Variants in USF3 observed in about 807,000 individuals in gnomAD.
USF3 encodes basic helix-loop-helix domain-containing protein USF3.
USF3 carries 29 observed loss-of-function variants against 157.5 expected under a neutral mutation model. That is an observed-to-expected ratio of 0.18 (90% CI 0.14 to 0.25). USF3 has a LOEUF of 0.25. USF3 is among the 10% of genes least tolerant of loss of function. The pLI, the probability that USF3 is intolerant of heterozygous loss-of-function variation, is 1.00. For synonymous variants in USF3, 893 were observed against 941.4 expected, an observed-to-expected ratio of 0.95 and a Z score of 0.94; for missense variants, 2,381 against 2,667.6, an observed-to-expected ratio of 0.89 and a Z score of 2.37.
intron 1 of USF3, among the ~76,000 whole-genome samples, chr3:113,684,501 T>C (rs1707504265): frequency 6.6e-6 from 1 of 152,200 alleles, no homozygotes; most frequent in South Asian, 2.1e-4. Context: ...GATTTCCCCT[T>C]TTGAAGCTAT....
At chr3:113,681,988 G>A (rs1038398013) in intron 1 of USF3, among the ~76,000 whole-genome samples, 10 of 151,934 alleles carry the variant, frequency 6.6e-5, no homozygotes, top group African/African-American at 1.5e-4. Context: ...CAAAGTCCTC[G>A]GATTACAGGC....
At chr3:113,671,411 T>C (rs1707150300) in intron 4 of USF3, among the ~76,000 whole-genome samples, 1 of 152,214 alleles carries the variant, frequency 6.6e-6, no homozygotes, top group Non-Finnish European at 1.5e-5. Context: ...CTCTCCACTT[T>C]GGCTATGTTG....
At position 113,656,234 on chromosome 3, in the gene USF3, G is replaced by A. The variant is rs1210018452; in HGVS notation, c.5448C>T (p.His1816=). Residue 1816 remains histidine (H), a synonymous_variant, in exon 7 of 7, where the codon CAC becomes CAT. Coordinates refer to ENST00000316407, the MANE Select transcript of USF3 (RefSeq NM_001009899.4). ...IPSRDSENTC[H]QSFMQSLLAP... Reference sequence around the variant, plus strand: ...CAAGTAAGCTCTGCATGAAACTTTGGTGACAAGTATTTTCACTGTCCCTTG... The same window carrying A: ...CAAGTAAGCTCTGCATGAAACTTTGATGACAAGTATTTTCACTGTCCCTTG... 6 of 1,614,162 alleles carry A rather than the reference G, an allele frequency of 3.7e-6. No homozygotes were observed. The highest frequency in any genetic ancestry group is 3.3e-4 in the Middle Eastern group (2 of 6,062).
intron 1 of USF3, among the ~76,000 whole-genome samples, chr3:113,688,156 T>C (rs114618464): frequency 6.6e-6 from 1 of 151,940 alleles, no homozygotes; most frequent in Non-Finnish European, 1.5e-5. Flanking sequence ...TCTCACCCTG[T>C]CGCCCAAACT....
intron 4 of USF3, among the ~76,000 whole-genome samples, chr3:113,670,459 C>T (rs1156711645): frequency 3.3e-5 from 5 of 152,214 alleles, no homozygotes; most frequent in East Asian, 1.9e-4. Context: ...AGTAGCTGGG[C>T]GTGGTGGCAC....
rs746053336 is a variant in USF3 at position 113,656,106 on chromosome 3, G to A, written c.5576C>T (p.Pro1859Leu). 2.5e-6 allele frequency: 4 copies of A among 1,613,940 alleles called. No homozygotes were observed. The highest frequency in any genetic ancestry group is 3.4e-6 in the Non-Finnish European group (4 of 1,179,998). Residue 1859 changes from proline (P) to leucine (L), a missense_variant, in exon 7 of 7, where the codon CCC (proline) becomes CTC (leucine). Around this residue, in one of 6 missense-constraint regions of USF3, gnomAD observed 770 missense variants for 824.2 expected, o/e 0.93. Coordinates refer to ENST00000316407, the MANE Select transcript of USF3 (RefSeq NM_001009899.4). ...AATATGGACATTTTCATGAGTTGGG[G>A]GACAATTATATTCAATTGCAGAGGA... ...GPSSAIEYNCPPTHENVHIRR... is the reference protein window; with the variant it reads ...GPSSAIEYNCLPTHENVHIRR...
Position 113,660,492 on chromosome 3 carries a change from C to A in USF3, c.1190G>T (p.Gly397Val), listed in dbSNP as rs756077594. The change falls in exon 7 of 7, where the codon GGT (glycine) becomes GTT (valine). Residue 397 changes from glycine (G) to valine (V), a missense_variant. By Grantham distance (109) the Gly-to-Val change is moderately radical (BLOSUM62 -3). This residue lies in a region of USF3 where 1,435 missense variants were observed against 1,550.9 expected (regional missense o/e 0.93). Transcript: ENST00000316407. ...AGGCAAAGAACAAGAAAGAGTCCAA[C>A]CATTGTCCAAAGGGTTTCCCGAAAG... ...STLSGNPLDNGWTLSCSLPSS... is the reference protein window; with the variant it reads ...STLSGNPLDNVWTLSCSLPSS... The A allele has an allele frequency of 5.6e-6, 9 of 1,614,130 alleles. No individual in the cohort carries two copies. In the South Asian group the frequency reaches 9.9e-5, roughly 18 times the overall value.
Position 113,659,865 on chromosome 3 carries a change from A to T in USF3, c.1817T>A (p.Ile606Asn). The T allele has an allele frequency of 6.2e-7, 1 of 1,614,190 alleles. No individual in the cohort carries two copies. Among genetic ancestry groups the T allele is most frequent in the South Asian group, 1.1e-5 (1 of 91,086 alleles). ...CCCTATTACAGTATTGGCTCCATTG[A>T]TGGGGAGTCGAACAGAACCAGGAGG... is the stretch of plus-strand genomic sequence containing the variant. ...APPPGSVRLP[I>N]NGANTVIGSN... Residue 606 changes from isoleucine (I) to asparagine (N), a missense_variant, in exon 7 of 7, where the codon ATC (isoleucine) becomes AAC (asparagine). By Grantham distance (149) the Ile-to-Asn change is moderately radical (BLOSUM62 -3). Coordinates refer to ENST00000316407, the MANE Select transcript of USF3 (RefSeq NM_001009899.4).
chr3:113,675,486 A>G (rs1218753308), intron 2 of USF3, among the ~76,000 whole-genome samples: 1 of 152,186 alleles, frequency 6.6e-6, no homozygotes, highest in Non-Finnish European at 1.5e-5. Flanking sequence ...ATATATTTCA[A>G]TTATCAGGCT....
At position 113,655,818 on chromosome 3, in the gene USF3, G is replaced by A; in HGVS notation, c.5864C>T (p.Ser1955Phe). ...TTGATCGCCATTTCCATGAGACACA[G>A]ATGGATGTGGCAACGCTGGCCTTGC... ...GVARPALPHP[S>F]VSHGNGDQGP... Residue 1955 changes from serine (S) to phenylalanine (F), a missense_variant, in exon 7 of 7, where the codon TCT (serine) becomes TTT (phenylalanine). Physicochemically the swap from Ser to Phe is radical, Grantham distance 155 (BLOSUM62 -2). Around this residue, in one of 6 missense-constraint regions of USF3, gnomAD observed 770 missense variants for 824.2 expected, o/e 0.93. Transcript: ENST00000316407. 1 of 1,614,194 alleles carries A rather than the reference G, an allele frequency of 6.2e-7. No individual in the cohort carries two copies. The highest frequency in any genetic ancestry group is 1.1e-5 in the South Asian group (1 of 91,090).
chr3:113,660,176 T>C lies in USF3; in HGVS notation c.1506A>G (p.Pro502=). Residue 502 remains proline (P), a synonymous_variant, in exon 7 of 7, where the codon CCA becomes CCG. Coordinates refer to ENST00000316407, the MANE Select transcript of USF3 (RefSeq NM_001009899.4). ...EQVVVTLPSC[P]SLPMQPLIAQ... ...CAATTAGTGGCTGCATAGGTAAAGATGGACAAGAAGGCAATGTTACAACTA... is the reference window on the plus strand; with the variant it reads ...CAATTAGTGGCTGCATAGGTAAAGACGGACAAGAAGGCAATGTTACAACTA... 2 of 1,614,216 alleles carry C rather than the reference T, an allele frequency of 1.2e-6. No homozygotes were observed. Among genetic ancestry groups the C allele is most frequent in the Non-Finnish European group, 1.7e-6 (2 of 1,180,034 alleles).
chr3:113,685,879 G>A (rs1487394711), intron 1 of USF3, among the ~76,000 whole-genome samples: 2 of 152,176 alleles, frequency 1.3e-5, no homozygotes, highest in Non-Finnish European at 2.9e-5. Context: ...TACTGTAGCT[G>A]AGCTGGGATC....
Position 113,648,541 on chromosome 3 carries a change from A to G in USF3, c.*6403T>C, listed in dbSNP as rs1477355595. On this transcript the variant is annotated 3_prime_UTR_variant, in exon 7 of 7. Coordinates refer to ENST00000316407, the MANE Select transcript of USF3 (RefSeq NM_001009899.4). ...GTTCAGAATATTCACACCCTAATACAATGCATTTGTAAAAAGATGTCAAAA... is the reference window on the plus strand; with the variant it reads ...GTTCAGAATATTCACACCCTAATACGATGCATTTGTAAAAAGATGTCAAAA... 6.6e-6 allele frequency: 1 copy of G among 152,636 alleles called. No homozygotes were observed. The highest frequency in any genetic ancestry group is 2.4e-5 in the African/African-American group (1 of 41,464). 9.5% of individuals were successfully genotyped at this position (152,636 alleles called of 1,614,324 possible). A position where few individuals can be genotyped will look rare whatever the true frequency, so the allele number is the denominator to read the frequency against.
chr3:113,677,071 G>A (rs1391695524), intron 2 of USF3, among the ~76,000 whole-genome samples: 2 of 152,136 alleles, frequency 1.3e-5, no homozygotes, highest in East Asian at 3.9e-4. Flanking sequence ...ATGCAGGAAG[G>A]GGATGACAGA....
chr3:113,656,862 A>G lies in USF3; in HGVS notation c.4820T>C (p.Val1607Ala). The change falls in exon 7 of 7, where the codon GTT (valine) becomes GCT (alanine). Residue 1607 changes from valine (V) to alanine (A), a missense_variant. Coordinates refer to ENST00000316407, the MANE Select transcript of USF3 (RefSeq NM_001009899.4). Reference protein sequence around the residue: ...NQDIMHQQQDVGSRQQGSGVS... With the variant: ...NQDIMHQQQDAGSRQQGSGVS... ...CCCTGAACCTTGCTGTCTGCTTCCA[A>G]CATCCTGCTGTTGGTGCATAATATC... 1.2e-6 allele frequency: 2 copies of G among 1,614,174 alleles called. No individual in the cohort carries two copies. The highest frequency in any genetic ancestry group is 1.1e-5 in the South Asian group (1 of 91,078).
chr3:113,658,083 C>A lies in USF3; in HGVS notation c.3599G>T (p.Gly1200Val), dbSNP rs1947401038. 4 of 1,614,152 alleles carry A rather than the reference C, an allele frequency of 2.5e-6. No homozygotes were observed. The highest frequency in any genetic ancestry group is 3.4e-6 in the Non-Finnish European group (4 of 1,180,018). ...CCTCTCCATAGTTGCTTCAATTGAA[C>A]CCTGAGAATTAAATTCATTTGGTGT... is the stretch of plus-strand genomic sequence containing the variant. Reference protein sequence around the residue: ...EATPNEFNSQGSIEATMERPL... With the variant: ...EATPNEFNSQVSIEATMERPL... The change falls in exon 7 of 7, where the codon GGT becomes GTT. Residue 1200 changes from glycine (G) to valine (V), a missense_variant. Around this residue, in one of 6 missense-constraint regions of USF3, gnomAD observed 1,435 missense variants for 1,550.9 expected, o/e 0.93. Coordinates refer to ENST00000316407, the MANE Select transcript of USF3 (RefSeq NM_001009899.4).
At chr3:113,684,173 T>C (rs1316302740) in intron 1 of USF3, among the ~76,000 whole-genome samples, 1 of 152,218 alleles carries the variant, frequency 6.6e-6, no homozygotes, top group Non-Finnish European at 1.5e-5. Context: ...AAATATGTCA[T>C]CTGACTCTCT....
chr3:113,687,432 T>C lies in USF3; in HGVS notation c.-135+8938A>G, dbSNP rs75047102. On this transcript the variant is annotated intron_variant, in intron 1 of 6. Transcript: ENST00000316407. ...AAGATCCAGGTGCTGCCTGTCCTCATTGCTACTGGGGTGTCACTGCTTCCA... is the reference window on the plus strand; with the variant it reads ...AAGATCCAGGTGCTGCCTGTCCTCACTGCTACTGGGGTGTCACTGCTTCCA... Among the ~76,000 whole-genome samples, 6 of 152,334 alleles carry C rather than the reference T, an allele frequency of 3.9e-5. No homozygotes were observed. The East Asian group carries it at 7.7e-4, about 20-fold the overall frequency.
At chr3:113,689,292 T>C (rs560744580) in intron 1 of USF3, among the ~76,000 whole-genome samples, 23 of 152,304 alleles carry the variant, frequency 1.5e-4, no homozygotes, top group African/African-American at 5.5e-4. Context: ...TACATGATGA[T>C]ACATTTTACC....
Sources: gnomAD v4.1 joint callset for allele counts (sites outside exome capture counted in the v4.1 genomes callset) on GRCh38, gnomAD v4.1.1 for gene constraint, gnomAD v4.1.1 regional missense constraint, MANE v1.5 for transcripts, NCBI Gene and HGNC (gene_info 2026-07-23, HGNC 2026-07-21) for gene names.